TFRC: variants seen among roughly 807,000 people sequenced by gnomAD.
The protein encoded by TFRC is transferrin receptor protein 1.
Under a neutral mutation model 85.8 loss-of-function variants are expected in TFRC, and 35 were observed. The ratio of observed to expected loss-of-function variants is 0.41; its 90% confidence interval spans 0.31 to 0.54. TFRC has a LOEUF of 0.54. Among genes scored for constraint, TFRC ranks in the 20% least tolerant of loss-of-function variants. The pLI, the probability that TFRC is intolerant of heterozygous loss-of-function variation, is 0.31. For synonymous variants in TFRC, 362 were observed against 328.6 expected (o/e 1.10, Z -1.10); for missense variants, 828 against 921.5 (o/e 0.90, Z 1.31).
intron 18 of TFRC, 50 bp downstream of exon 18, chr3:196,053,368 C>T (rs1193856158): frequency 4.4e-6 from 7 of 1,601,490 alleles, no homozygotes; most frequent in South Asian, 2.2e-5. Context: ...TAAGATTTAT[C>T]GGTTATTTTA....
intron 18 of TFRC, 145 bp from the exon 19 acceptor site, chr3:196,052,329 G>A (rs1454490552): frequency 3.5e-5 from 32 of 914,622 alleles, no homozygotes; most frequent in Non-Finnish European, 4.2e-5. Context: ...ACAGAGTTTC[G>A]CTCTTGTTGC....
intron 4 of TFRC, among the ~76,000 whole-genome samples, chr3:196,073,060 A>AC (rs1718360764): frequency 1.4e-4 from 18 of 124,784 alleles, no homozygotes; most frequent in Middle Eastern, 4.1e-3. Flanking sequence ...AAAAAAAAAA[A>AC]CCCACAAAAA....
chr3:196,076,052 C>T (rs757478199), intron 2 of TFRC, among the ~76,000 whole-genome samples: 6 of 150,542 alleles, frequency 4.0e-5, no homozygotes, highest in Non-Finnish European at 7.4e-5. Context: ...GCAGGAGAAT[C>T]GCTTGAACTC....
intron 11 of TFRC, 96 bp from the exon 12 acceptor site, chr3:196,063,035 C>T: frequency 1.1e-6 from 1 of 869,866 alleles, no homozygotes; most frequent in East Asian, 2.8e-5. Context: ...GGTCTAATTC[C>T]AAGATAGCAG....
At chr3:196,071,530 A>T in intron 5 of TFRC, 32 bp from the exon 6 acceptor site, 1 of 1,601,902 alleles carries the variant, frequency 6.2e-7, no homozygotes, top group Non-Finnish European at 8.6e-7. Flanking sequence ...AATAAGCCTA[A>T]GGTCATCCTT....
At chr3:196,059,613 TA>T (rs1352753451) in intron 14 of TFRC, among the ~76,000 whole-genome samples, 272 of 151,848 alleles carry the variant, frequency 1.8e-3, no homozygotes, top group African/African-American at 6.2e-3. Context: ...TTTATTTATT[TA>T]TTTTTTTTTT....
At chr3:196,061,384 T>TA (rs1253617691) in intron 13 of TFRC, among the ~76,000 whole-genome samples, 2 of 152,256 alleles carry the variant, frequency 1.3e-5, no homozygotes, top group South Asian at 2.1e-4. Context: ...TAGTGCTTGT[T>TA]AAAGTTTTTT....
At chr3:196,063,373 TAAAAA>T (rs1560076187) in intron 11 of TFRC, 2 of 153,366 alleles carry the variant, frequency 1.3e-5, no homozygotes, top group African/African-American at 4.8e-5. Context: ...TAAAATAAAA[TAAAAA>T]TTCACAAATT....
chr3:196,072,603 T>C (rs1718302813), intron 4 of TFRC, among the ~76,000 whole-genome samples: 1 of 152,174 alleles, frequency 6.6e-6, no homozygotes, highest in Non-Finnish European at 1.5e-5. Context: ...AGTTCTTACA[T>C]TTTTGTGGGG....
chr3:196,068,956 A>G (rs1172603482), intron 7 of TFRC, among the ~76,000 whole-genome samples: 1 of 151,628 alleles, frequency 6.6e-6, no homozygotes, highest in African/African-American at 2.4e-5. Flanking sequence ...GAAAAGAAAA[A>G]TAACAAAAAC....
chr3:196,080,284 C>T (rs999799055), intron 1 of TFRC, among the ~76,000 whole-genome samples: 2 of 152,052 alleles, frequency 1.3e-5, no homozygotes, highest in African/African-American at 4.8e-5. Context: ...TTGTATTTTT[C>T]GTAGAGACGG....
chr3:196,053,454 T>C lies in TFRC; in HGVS notation c.2004A>G (p.Arg668=), dbSNP rs1183058445. The change falls in exon 18 of 19, where the codon AGA becomes AGG. Residue 668 remains arginine, a synonymous_variant. Transcript: ENST00000360110. ...GATCATTGAGTTTCTTCATGACAAA[T>C]CTGTCTGTTTTCTCAGCATTCCCGA... ...TDFGNAEKTD[R]FVMKKLNDRV... is the part of the protein sequence containing the mutation. The C allele has an allele frequency of 1.2e-6, 2 of 1,614,208 alleles. No individual in the cohort carries two copies. The highest frequency in any genetic ancestry group is 1.7e-6 in the Non-Finnish European group (2 of 1,180,034).
chr3:196,075,117 T>C, intron 3 of TFRC, 42 bp downstream of exon 3: 2 of 1,573,484 alleles, frequency 1.3e-6, no homozygotes, highest in Non-Finnish European at 1.7e-6. Context: ...CTTCCCAGAG[T>C]TGGTTATAGA....
At position 196,056,559 on chromosome 3, in the gene TFRC, C is replaced by T. The variant is rs558662525; in HGVS notation, c.1678-1258G>A. Among the ~76,000 whole-genome samples, 1,140 of 151,912 alleles carry T rather than the reference C, an allele frequency of 7.5e-3. 8 individuals are homozygous for T. Among genetic ancestry groups the T allele is most frequent in the Non-Finnish European group, 8.7e-3 (594 of 67,966 alleles). On this transcript the variant is annotated intron_variant, in intron 16 of 18. Transcript: ENST00000360110. ...GGATTATAGGCATGTGCCACCATGC[C>T]CAGCTAATTTTTTTGTATTTTTAGT...
intron 7 of TFRC, among the ~76,000 whole-genome samples, chr3:196,069,085 G>T (rs1484124948): frequency 6.6e-6 from 1 of 152,072 alleles, no homozygotes; most frequent in African/African-American, 2.4e-5. Context: ...TAAAGTGTTG[G>T]GATTACAGGT....
At position 196,049,704 on chromosome 3, in the gene TFRC, CTTTCA is replaced by C. The variant is rs371254267; in HGVS notation, c.*2233_*2237del. On this transcript the variant is annotated 3_prime_UTR_variant, in exon 19 of 19. Coordinates refer to ENST00000360110, the MANE Select transcript of TFRC (RefSeq NM_001128148.3). Reference sequence around the variant, plus strand: ...TGTTATACGATGAACATGCCACATGCTTTCATTTAAGTACGTGTGCGTAACACCCG... The same window carrying C: ...TGTTATACGATGAACATGCCACATGCTTTAAGTACGTGTGCGTAACACCCG... 2 of 230,074 alleles carry C rather than the reference CTTTCA, an allele frequency of 8.7e-6. No homozygotes were observed. The highest frequency in any genetic ancestry group is 5.7e-5 in the Admixed American group (1 of 17,668). The allele number at this position is 230,074 out of a possible 1,614,324, so 14.3% of individuals were successfully genotyped here.
intron 13 of TFRC, among the ~76,000 whole-genome samples, chr3:196,061,724 A>C (rs974270411): frequency 6.6e-6 from 1 of 152,188 alleles, no homozygotes; most frequent in African/African-American, 2.4e-5. Flanking sequence ...TCCTGACCTC[A>C]GGTGATCCGC....
intron 17 of TFRC, among the ~76,000 whole-genome samples, 169 bp from the exon 18 acceptor site, chr3:196,053,727 T>C (rs186669718): frequency 6.6e-6 from 1 of 152,340 alleles, no homozygotes; most frequent in Non-Finnish European, 1.5e-5. Flanking sequence ...TGGACTGTGA[T>C]ATACACTCAT....
At chr3:196,052,809 C>G (rs1036891963) in intron 18 of TFRC, among the ~76,000 whole-genome samples, 3 of 151,990 alleles carry the variant, frequency 2.0e-5, no homozygotes, top group Non-Finnish European at 4.4e-5. Flanking sequence ...TGCTAATCTT[C>G]TAAGGTTAAA....
Sources: allele counts gnomAD v4.1 joint callset (sites outside exome capture counted in the v4.1 genomes callset), GRCh38; gene constraint gnomAD v4.1.1; transcripts MANE v1.5; gene names NCBI Gene and HGNC (gene_info 2026-07-23, HGNC 2026-07-21).